Variants in PKHD1 observed in about 807,000 individuals in gnomAD.
PKHD1 encodes the protein fibrocystin.
PKHD1 carries 291 observed loss-of-function variants against 412.0 expected under a neutral mutation model. The observed-to-expected ratio is 0.71, with a 90% CI of 0.64 to 0.78. The LOEUF is 0.78. Ranked by LOEUF, PKHD1 falls within the 30% of genes least tolerant of loss-of-function variation. The pLI is 0.00. For missense variants in PKHD1, 4,825 were observed against 4,950.7 expected (o/e 0.97, Z 0.76); for synonymous variants, 1,777 against 1,821.5 (o/e 0.98, Z 0.62).
intron 34 of PKHD1, among the ~76,000 whole-genome samples, chr6:52,014,974 A>G (rs1800341212): frequency 6.6e-6 from 1 of 152,202 alleles, no homozygotes; most frequent in Non-Finnish European, 1.5e-5. Context: ...AAGAAAATAA[A>G]TATGGTCAGT....
intron 52 of PKHD1, among the ~76,000 whole-genome samples, chr6:51,820,056 CCAAGATAGAT>C (rs1371566523): frequency 6.6e-6 from 1 of 152,166 alleles, no homozygotes; most frequent in Non-Finnish European, 1.5e-5. Flanking sequence ...GTCTGGATAT[CCAAGATAGAT>C]CACTTACATA....
At chr6:51,665,363 G>A (rs1773564370) in intron 60 of PKHD1, among the ~76,000 whole-genome samples, 1 of 152,110 alleles carries the variant, frequency 6.6e-6, no homozygotes, top group South Asian at 2.1e-4. Flanking sequence ...TTTAGCCACT[G>A]AGGGGAAAAA....
intron 60 of PKHD1, among the ~76,000 whole-genome samples, chr6:51,704,490 G>T (rs1004496172): frequency 6.6e-6 from 1 of 152,036 alleles, no homozygotes; most frequent in Non-Finnish European, 1.5e-5. Context: ...ATTTAGACTA[G>T]TAAAAGAAGA....
intron 43 of PKHD1, among the ~76,000 whole-genome samples, chr6:51,895,784 C>A (rs886383232): frequency 6.6e-6 from 1 of 152,078 alleles, no homozygotes; most frequent in African/African-American, 2.4e-5. Context: ...GAGTGCCAGA[C>A]AGTGGGCGCA....
intron 46 of PKHD1, among the ~76,000 whole-genome samples, chr6:51,881,006 C>T (rs1255491727): frequency 3.4e-5 from 5 of 149,106 alleles, no homozygotes. Flanking sequence ...AAAGGAATGG[C>T]AGGCACAAAA....
intron 44 of PKHD1, among the ~76,000 whole-genome samples, chr6:51,886,639 G>A (rs1465652116): frequency 6.6e-6 from 1 of 152,114 alleles, no homozygotes; most frequent in Non-Finnish European, 1.5e-5. Context: ...GGCAGGGGCT[G>A]GAAGGAGGGG....
At chr6:51,894,856 T>C (rs565908611) in intron 43 of PKHD1, among the ~76,000 whole-genome samples, 6 of 152,232 alleles carry the variant, frequency 3.9e-5, no homozygotes, top group Admixed American at 1.3e-4. Context: ...CGTTATGTTA[T>C]CATTGGAGGG....
chr6:52,000,178 C>T (rs936782415), intron 35 of PKHD1, among the ~76,000 whole-genome samples: 1 of 152,178 alleles, frequency 6.6e-6, no homozygotes, highest in Non-Finnish European at 1.5e-5. Flanking sequence ...CTTTCCATGT[C>T]GCTGGTCGAG....
At chr6:51,654,472 C>T (rs904297612) in intron 61 of PKHD1, among the ~76,000 whole-genome samples, 3 of 152,000 alleles carry the variant, frequency 2.0e-5, no homozygotes, top group Non-Finnish European at 2.9e-5. Flanking sequence ...GGCATGTAAG[C>T]TTTCAAGAGT....
At chr6:52,064,640 G>A (rs959691306) in intron 13 of PKHD1, among the ~76,000 whole-genome samples, 4 of 152,012 alleles carry the variant, frequency 2.6e-5, no homozygotes, top group African/African-American at 9.7e-5. Context: ...GAATGAAGGC[G>A]GGCAGTTTGG....
intron 60 of PKHD1, among the ~76,000 whole-genome samples, chr6:51,702,184 A>ATATTATGTATAAT (rs1019891715): frequency 3.4e-5 from 5 of 146,978 alleles, no homozygotes; most frequent in Non-Finnish European, 7.5e-5. Flanking sequence ...AATATATAAT[A>ATATTATGTATAAT]TATTATATAT....
chr6:51,933,740 C>A (rs980447558), intron 37 of PKHD1, among the ~76,000 whole-genome samples: 1 of 152,224 alleles, frequency 6.6e-6, no homozygotes, highest in East Asian at 1.9e-4. Context: ...GGTCTTAAAA[C>A]CTTCACTTGG....
intron 27 of PKHD1, among the ~76,000 whole-genome samples, chr6:52,041,834 A>C (rs1246716695): frequency 6.6e-6 from 1 of 152,118 alleles, no homozygotes; most frequent in Admixed American, 6.5e-5. Flanking sequence ...CCTCAGTCCC[A>C]AGCAAACTGG....
intron 36 of PKHD1, among the ~76,000 whole-genome samples, chr6:51,949,013 G>A (rs1256572844): frequency 6.6e-6 from 1 of 152,066 alleles, no homozygotes; most frequent in Non-Finnish European, 1.5e-5. Flanking sequence ...ATAAACCCAG[G>A]GAGAGTGATT....
rs1228830914 is a variant in PKHD1 at position 51,819,976 on chromosome 6, G to A, written c.8302+10885C>T. On this transcript the variant is annotated intron_variant, in intron 52 of 66. Transcript: ENST00000371117. Reference sequence around the variant, plus strand: ...ACATTGACCTAAAAATAAAATAGGAGATTTTTAACGTACTTGCAGATAAAG... The same window carrying A: ...ACATTGACCTAAAAATAAAATAGGAAATTTTTAACGTACTTGCAGATAAAG... Among the ~76,000 whole-genome samples, 3 of 152,120 alleles carry A rather than the reference G, an allele frequency of 2.0e-5. No homozygotes were observed. In the South Asian group the frequency reaches 6.2e-4, roughly 32 times the overall value.
At position 51,747,965 on chromosome 6, in the gene PKHD1, G is replaced by C. The variant is rs1327778944; in HGVS notation, c.9651C>G (p.Asp3217Glu). ...ATSSSFDCIQ[D>E]KVKPHSANLT... The stretch of plus-strand genomic sequence containing the variant: ...AGTTGGCTGAGTGCGGCTTCACTTT[G>C]TCCTGAATGCAGTCAAAAGAAGAGC... The change falls in exon 58 of 67, where the codon GAC becomes GAG. Residue 3217 changes from aspartate (D) to glutamate (E), a missense_variant. Coordinates refer to ENST00000371117, the MANE Select transcript of PKHD1 (RefSeq NM_138694.4). 4 of 1,613,900 alleles carry C rather than the reference G, an allele frequency of 2.5e-6. No individual in the cohort carries two copies. In the African/African-American group the frequency reaches 4.0e-5, roughly 16 times the overall value.
intron 65 of PKHD1, among the ~76,000 whole-genome samples, chr6:51,629,215 G>A (rs1767639353): frequency 6.6e-6 from 1 of 151,894 alleles, no homozygotes; most frequent in South Asian, 2.1e-4. Context: ...AAAAAAAGTG[G>A]GACCGAATTA....
At chr6:52,045,943 T>C (rs1805732257) in intron 24 of PKHD1, 61 bp downstream of exon 24, 3 of 1,145,680 alleles carry the variant, frequency 2.6e-6, no homozygotes, top group Non-Finnish European at 4.0e-6. Flanking sequence ...TCTGATTTTT[T>C]TTTTTGCAGA....
At chr6:51,636,030 G>C (rs145511641) in intron 64 of PKHD1, among the ~76,000 whole-genome samples, 1 of 152,236 alleles carries the variant, frequency 6.6e-6, no homozygotes, top group East Asian at 1.9e-4. Flanking sequence ...GGCTAGCTAC[G>C]AAGTCAGTAC....
Sources: allele counts gnomAD v4.1 joint callset (sites outside exome capture counted in the v4.1 genomes callset), GRCh38; gene constraint gnomAD v4.1.1; transcripts MANE v1.5; gene names NCBI Gene and HGNC (gene_info 2026-07-23, HGNC 2026-07-21).